The following XRCC4 variants were observed in gnomAD, a reference collection of about 807,000 sequenced individuals.
The protein encoded by XRCC4 is X-ray repair cross complementing 4, also known as DNA repair protein XRCC4.
Under a neutral mutation model 39.1 loss-of-function variants are expected in XRCC4, and 28 were observed. That is an observed-to-expected ratio of 0.72 (90% CI 0.53 to 0.98). The LOEUF (loss-of-function observed/expected upper bound fraction) is 0.98, where lower values mean the gene tolerates loss of function less well. XRCC4 is among the 50% of genes least tolerant of loss of function. The pLI is 0.00. For missense variants in XRCC4, 350 were observed against 376.4 expected (o/e 0.93, Z 0.58); for synonymous variants, 123 against 126.4 (o/e 0.97, Z 0.18).
intron 6 of XRCC4, among the ~76,000 whole-genome samples, chr5:83,239,961 C>G (rs1374803619): frequency 6.6e-6 from 1 of 151,780 alleles, no homozygotes; most frequent in Admixed American, 6.6e-5. Context: ...AGTTCAAGAC[C>G]AGCCTGGACA....
intron 7 of XRCC4, among the ~76,000 whole-genome samples, chr5:83,352,522 T>C (rs1423172437): frequency 6.6e-6 from 1 of 152,192 alleles, no homozygotes; most frequent in Admixed American, 6.5e-5. Context: ...AATATAGCAG[T>C]CAATCCATTG....
chr5:83,084,820 C>T (rs1195141246), intron 1 of XRCC4, among the ~76,000 whole-genome samples: 1 of 152,056 alleles, frequency 6.6e-6, no homozygotes, highest in Non-Finnish European at 1.5e-5. Flanking sequence ...ATCCTGAGTT[C>T]AAACTGCCTT....
At chr5:83,261,475 A>C (rs935892513) in intron 7 of XRCC4, among the ~76,000 whole-genome samples, 2 of 152,016 alleles carry the variant, frequency 1.3e-5, no homozygotes, top group Non-Finnish European at 2.9e-5. Flanking sequence ...TTCTGATTGC[A>C]TGACCTTCAG....
intron 3 of XRCC4, among the ~76,000 whole-genome samples, chr5:83,149,362 GT>G (rs917527166): frequency 1.9e-4 from 28 of 148,068 alleles, no homozygotes; most frequent in Admixed American, 6.1e-4. Flanking sequence ...CAATATTTAG[GT>G]TTTTTTTTTG....
intron 7 of XRCC4, among the ~76,000 whole-genome samples, chr5:83,294,314 T>C (rs1445466850): frequency 6.6e-6 from 1 of 152,006 alleles, no homozygotes; most frequent in Non-Finnish European, 1.5e-5. Context: ...GGATGATAGA[T>C]TCAGTTGTTG....
At chr5:83,327,528 G>A (rs1052972745) in intron 7 of XRCC4, among the ~76,000 whole-genome samples, 1 of 151,716 alleles carries the variant, frequency 6.6e-6, no homozygotes, top group African/African-American at 2.4e-5. Flanking sequence ...TAACTATATG[G>A]GGTGACAGTT....
the XRCC4 span, among the ~76,000 whole-genome samples, chr5:83,365,808 AAAT>A: frequency 2.0e-5 from 3 of 152,228 alleles, no homozygotes; most frequent in Admixed American, 2.0e-4. Flanking sequence ...CAACTTCAGT[AAAT>A]AAATAATTAA....
chr5:83,234,596 G>T (rs28678692), intron 6 of XRCC4, among the ~76,000 whole-genome samples: 1 of 151,964 alleles, frequency 6.6e-6, no homozygotes, highest in African/African-American at 2.4e-5. Flanking sequence ...TATAGTATTC[G>T]ATAATTCTGC....
chr5:83,086,750 C>T (rs1376377329), intron 1 of XRCC4, among the ~76,000 whole-genome samples: 2 of 151,778 alleles, frequency 1.3e-5, no homozygotes, highest in Non-Finnish European at 2.9e-5. Flanking sequence ...TGTGTATGTG[C>T]CTTAATTTAA....
chr5:83,164,651 A>G (rs553902766), intron 3 of XRCC4, among the ~76,000 whole-genome samples: 6 of 152,242 alleles, frequency 3.9e-5, no homozygotes, highest in African/African-American at 1.4e-4. Flanking sequence ...TTATTTCACA[A>G]TGTGTATATG....
At chr5:83,247,745 A>C (rs779937605) in intron 6 of XRCC4, among the ~76,000 whole-genome samples, 1 of 152,200 alleles carries the variant, frequency 6.6e-6, no homozygotes, top group African/African-American at 2.4e-5. Flanking sequence ...ATATTTATGC[A>C]TGTAGACCAT....
chr5:83,136,183 T>C (rs1027346096), intron 3 of XRCC4, among the ~76,000 whole-genome samples: 1 of 152,186 alleles, frequency 6.6e-6, no homozygotes, highest in South Asian at 2.1e-4. Context: ...CAAGAGGGTA[T>C]AGTGAATAAT....
downstream of XRCC4, among the ~76,000 whole-genome samples, chr5:83,355,125 A>G (rs1757175194): frequency 6.6e-6 from 1 of 152,062 alleles, no homozygotes; most frequent in South Asian, 2.1e-4. Context: ...CAGAGCTCAG[A>G]ACCATTGTAT....
rs188006789 is a variant in XRCC4 at position 83,217,225 on chromosome 5, C to T, written c.745+12304C>T. On this transcript the variant is annotated intron_variant, in intron 6 of 7. Transcript: ENST00000396027. ...ACAAAAAATTAGCCAGGCATGGTGGCGTATGCCTGTAGTCCCAGCTACTTG... is the reference window on the plus strand; with the variant it reads ...ACAAAAAATTAGCCAGGCATGGTGGTGTATGCCTGTAGTCCCAGCTACTTG... 4.8e-3 allele frequency among the ~76,000 whole-genome samples: 730 copies of T among 151,914 alleles called. 6 individuals carry two copies. The highest frequency in any genetic ancestry group is 0.028 in the Admixed American group (424 of 15,258).
At chr5:83,119,408 C>T (rs560810121) in intron 3 of XRCC4, among the ~76,000 whole-genome samples, 2 of 152,012 alleles carry the variant, frequency 1.3e-5, no homozygotes, top group Admixed American at 6.6e-5. Context: ...TTTTTGTGAT[C>T]TTTTTGGAAT....
intron 3 of XRCC4, among the ~76,000 whole-genome samples, chr5:83,121,481 G>A (rs1343777385): frequency 6.6e-6 from 1 of 152,084 alleles, no homozygotes; most frequent in Admixed American, 6.5e-5. Context: ...TAGTGGGTGT[G>A]TGACCATGTC....
intron 6 of XRCC4, among the ~76,000 whole-genome samples, chr5:83,256,843 TA>T (rs1354043299): frequency 6.6e-6 from 1 of 152,096 alleles, no homozygotes; most frequent in African/African-American, 2.4e-5. Flanking sequence ...AATATAAGAA[TA>T]AAGGCTTTGT....
At chr5:83,246,663 C>T (rs984385052) in intron 6 of XRCC4, among the ~76,000 whole-genome samples, 1 of 152,118 alleles carries the variant, frequency 6.6e-6, no homozygotes, top group Non-Finnish European at 1.5e-5. Context: ...TGTGAGCATA[C>T]ATGAAACATT....
chr5:83,082,260 A>G (rs1362964398), intron 1 of XRCC4, among the ~76,000 whole-genome samples: 1 of 152,158 alleles, frequency 6.6e-6, no homozygotes, highest in Non-Finnish European at 1.5e-5. Context: ...AAAATTGTGT[A>G]TTTACATGTA....
Sources: gnomAD v4.1 joint callset for allele counts (sites outside exome capture counted in the v4.1 genomes callset) on GRCh38, gnomAD v4.1.1 for gene constraint, MANE v1.5 for transcripts, NCBI Gene and HGNC (gene_info 2026-07-23, HGNC 2026-07-21) for gene names.